Variants in PKHD1L1 observed in about 807,000 individuals in gnomAD.
The protein encoded by PKHD1L1 is fibrocystin-L.
Under a neutral mutation model 462.9 loss-of-function variants are expected in PKHD1L1, and 434 were observed. The ratio of observed to expected loss-of-function variants is 0.94; its 90% CI spans 0.87 to 1.02. The LOEUF is 1.02. Ranked by LOEUF, PKHD1L1 falls within the 50% of genes least tolerant of loss-of-function variation. The probability of loss-of-function intolerance (pLI) is 0.00; values close to 1 mark genes in which losing one functional copy is unlikely to be tolerated. For synonymous variants in PKHD1L1, 1,781 were observed against 1,750.0 expected, an observed-to-expected ratio of 1.02 and a Z score of -0.44; for missense variants, 5,202 against 5,096.1, an observed-to-expected ratio of 1.02 and a Z score of -0.63.
intron 63 of PKHD1L1, among the ~76,000 whole-genome samples, chr8:109,494,536 A>C (rs1488105955): frequency 6.6e-6 from 1 of 152,024 alleles, no homozygotes; most frequent in Non-Finnish European, 1.5e-5. Context: ...ACGATGGAAC[A>C]CTAGACTACT....
chr8:109,435,870 G>T (rs1815379961), intron 29 of PKHD1L1, among the ~76,000 whole-genome samples: 2 of 151,954 alleles, frequency 1.3e-5, no homozygotes, highest in Admixed American at 1.3e-4. Context: ...GATCCTTTTG[G>T]TATGCTTTTA....
chr8:109,516,908 G>A (rs1395429582), intron 72 of PKHD1L1, among the ~76,000 whole-genome samples: 2 of 152,000 alleles, frequency 1.3e-5, no homozygotes, highest in African/African-American at 4.8e-5. Flanking sequence ...GTGGAATAAG[G>A]CACTTCGCTT....
chr8:109,381,279 A>G (rs934794196), intron 2 of PKHD1L1, 91 bp from the exon 3 acceptor site: 2 of 1,070,890 alleles, frequency 1.9e-6, no homozygotes, highest in Admixed American at 4.9e-5. Context: ...TTATGAAATC[A>G]TTTACTGCAT....
intron 6 of PKHD1L1, among the ~76,000 whole-genome samples, chr8:109,386,197 A>G (rs1015160193): frequency 6.6e-6 from 1 of 152,220 alleles, no homozygotes; most frequent in Non-Finnish European, 1.5e-5. Context: ...CTAGTTAGCT[A>G]ATGTCAAAAA....
intron 11 of PKHD1L1, 122 bp downstream of exon 11, chr8:109,396,259 T>G (rs559056456): frequency 1.4e-6 from 1 of 725,386 alleles, no homozygotes; most frequent in East Asian, 2.9e-5. Flanking sequence ...GCTGAGTATT[T>G]TCACATAGTC....
intron 2 of PKHD1L1, among the ~76,000 whole-genome samples, chr8:109,368,439 C>G (rs982279296): frequency 3.3e-5 from 5 of 152,236 alleles, no homozygotes; most frequent in Admixed American, 2.6e-4. Flanking sequence ...CCTCTTGGGA[C>G]TGTTGTGAAT....
At chr8:109,380,193 T>G (rs1163791200) in intron 2 of PKHD1L1, among the ~76,000 whole-genome samples, 2 of 149,720 alleles carry the variant, frequency 1.3e-5, no homozygotes, top group Non-Finnish European at 2.9e-5. Context: ...GTATTAAATC[T>G]TAGCAGAGAT....
At chr8:109,431,015 T>C (rs1447288938) in intron 27 of PKHD1L1, among the ~76,000 whole-genome samples, 1 of 151,278 alleles carries the variant, frequency 6.6e-6, no homozygotes, top group Non-Finnish European at 1.5e-5. Flanking sequence ...GTCACCAGGC[T>C]GGAGTGCAGT....
intron 11 of PKHD1L1, among the ~76,000 whole-genome samples, chr8:109,397,894 G>A (rs1586428519): frequency 6.6e-6 from 1 of 152,150 alleles, no homozygotes; most frequent in African/African-American, 2.4e-5. Flanking sequence ...TTAAAACATA[G>A]ACTCTTCTCC....
At chr8:109,397,472 T>C (rs1813036985) in intron 11 of PKHD1L1, among the ~76,000 whole-genome samples, 1 of 152,002 alleles carries the variant, frequency 6.6e-6, no homozygotes, top group Non-Finnish European at 1.5e-5. Flanking sequence ...GCCCAGGAGT[T>C]TGATACCTGA....
intron 6 of PKHD1L1, among the ~76,000 whole-genome samples, chr8:109,387,605 G>A (rs1812503784): frequency 6.6e-6 from 1 of 152,162 alleles, no homozygotes; most frequent in Non-Finnish European, 1.5e-5. Flanking sequence ...TTATTATTTA[G>A]CTAGAATAAG....
intron 24 of PKHD1L1, among the ~76,000 whole-genome samples, chr8:109,425,768 C>CT (rs1021609117): frequency 6.6e-6 from 1 of 151,992 alleles, no homozygotes; most frequent in Non-Finnish European, 1.5e-5. Flanking sequence ...ATTGAATTAT[C>CT]TAAGTCTGTG....
In PKHD1L1 at chr8:109,412,260, G is replaced by A. The variant is rs368746389; in HGVS notation, c.2086-5G>A. ...TTTTCATTTGAAATATTATTGTTTC[G>A]GTAGGAACATATTAACAGAGGGCAG... On this transcript the variant is annotated splice_polypyrimidine_tract_variant and splice_region_variant and intron_variant, in intron 19 of 77. Coordinates refer to ENST00000378402, the MANE Select transcript of PKHD1L1 (RefSeq NM_177531.6). The A allele has an allele frequency of 8.1e-5, 130 of 1,611,762 alleles. No homozygotes were observed. Among genetic ancestry groups the A allele is most frequent in the East Asian group, 2.5e-4 (11 of 44,848 alleles).
chr8:109,469,460 T>G (rs1013716734), intron 50 of PKHD1L1, among the ~76,000 whole-genome samples: 2 of 152,082 alleles, frequency 1.3e-5, no homozygotes, highest in Non-Finnish European at 2.9e-5. Context: ...CTCTTTCACC[T>G]TTCTCCTTCC....
At chr8:109,518,541 G>A (rs201737345) in intron 73 of PKHD1L1, 33 bp downstream of exon 73, 1 of 1,519,682 alleles carries the variant, frequency 6.6e-7, no homozygotes, top group Non-Finnish European at 8.9e-7. Context: ...ATGGAGGAAT[G>A]CAATTACCAA....
Position 109,425,170 on chromosome 8 carries a change from A to C in PKHD1L1, c.2783A>C (p.Gln928Pro). Reference sequence around the variant, plus strand: ...TCAAAAATTCATATTCAAAGAATTCAAGCTGCATCTCCACCTCTAAGTGGC... The same window carrying C: ...TCAAAAATTCATATTCAAAGAATTCCAGCTGCATCTCCACCTCTAAGTGGC... ...GESKIHIQRI[Q>P]AASPPLSGSF... The change falls in exon 24 of 78, where the codon CAA becomes CCA. Residue 928 changes from glutamine (Q) to proline (P), a missense_variant. By Grantham distance (76) the Gln-to-Pro change is moderately conservative. Around this residue, in one of 3 missense-constraint regions of PKHD1L1, gnomAD observed 4,497 missense variants for 4,336.8 expected, o/e 1.04. Coordinates refer to ENST00000378402, the MANE Select transcript of PKHD1L1 (RefSeq NM_177531.6). 1 of 1,610,498 alleles carries C rather than the reference A, an allele frequency of 6.2e-7. No homozygotes were observed. The highest frequency in any genetic ancestry group is 1.3e-5 in the African/African-American group (1 of 74,822).
At chr8:109,434,042 C>T (rs1815256841) in intron 28 of PKHD1L1, among the ~76,000 whole-genome samples, 1 of 151,998 alleles carries the variant, frequency 6.6e-6, no homozygotes, top group South Asian at 2.1e-4. Context: ...TGTTCTCACT[C>T]ATAAGTGGGA....
intron 63 of PKHD1L1, 63 bp from the exon 64 acceptor site, chr8:109,496,856 C>T (rs913590094): frequency 1.1e-5 from 17 of 1,482,734 alleles, no homozygotes; most frequent in Non-Finnish European, 1.4e-5. Context: ...ACTGATACTG[C>T]TTATTAAAAC....
intron 2 of PKHD1L1, among the ~76,000 whole-genome samples, chr8:109,374,707 A>C (rs1378176111): frequency 1.3e-5 from 2 of 152,054 alleles, no homozygotes; most frequent in Non-Finnish European, 1.5e-5. Context: ...TGGTGACAAA[A>C]TCTCTCAGCA....
Sources: gnomAD v4.1 joint callset for allele counts (sites outside exome capture counted in the v4.1 genomes callset) on GRCh38, gnomAD v4.1.1 for gene constraint, gnomAD v4.1.1 regional missense constraint, MANE v1.5 for transcripts, NCBI Gene and HGNC (gene_info 2026-07-23, HGNC 2026-07-21) for gene names.